Variants in RPS6KA1 observed in about 807,000 individuals in gnomAD.
RPS6KA1 encodes the protein ribosomal protein S6 kinase alpha-1.
RPS6KA1 carries 48 observed loss-of-function variants against 91.3 expected under a neutral mutation model. The observed-to-expected ratio is 0.53, with a 90% confidence interval of 0.42 to 0.67. The LOEUF is 0.67. RPS6KA1 is among the 30% of genes least tolerant of loss of function. The pLI, the probability that RPS6KA1 is intolerant of heterozygous loss-of-function variation, is 0.00. For synonymous variants in RPS6KA1, 359 were observed against 384.7 expected (o/e 0.93, Z 0.78); for missense variants, 719 against 960.5 (o/e 0.75, Z 3.32).
rs1418857502 is a variant in RPS6KA1 at position 26,574,211 on chromosome 1, G to T, written c.*10G>T. On this transcript the variant is annotated 3_prime_UTR_variant, in exon 22 of 22. Transcript: ENST00000374168. This position sits in a 1 kb window ranked among gnomAD's most constrained non-coding sequence, Gnocchi z 4.3. ...ATCCACCACCCTGTGAGGCACCAGG[G>T]CATTCGGGCCACAGGGCGGTGCTAG... 3.1e-6 allele frequency: 5 copies of T among 1,613,874 alleles called. No individual in the cohort carries two copies. Among genetic ancestry groups the T allele is most frequent in the Non-Finnish European group, 1.7e-6 (2 of 1,180,016 alleles).
rs2075941210 is a variant in RPS6KA1, at chr1:26,540,827, G to A, written c.108+3858G>A. Among the ~76,000 whole-genome samples the A allele has an allele frequency of 6.6e-6, 1 of 152,164 alleles. No homozygotes were observed. The highest frequency in any genetic ancestry group is 1.5e-5 in the Non-Finnish European group (1 of 68,024). ...TTTTTTGAGATGGAGTTTCACTTTT[G>A]TTGCCCAGGCTGGAGTGCAATGGCA... is the stretch of plus-strand genomic sequence containing the variant. On this transcript the variant is annotated intron_variant, in intron 2 of 21. Transcript: ENST00000374168. The surrounding 1 kb of genome is among the most constrained non-coding windows in gnomAD (Gnocchi z 4.2).
chr1:26,532,627 G>A (rs1253305953), intron 1 of RPS6KA1, among the ~76,000 whole-genome samples: 1 of 152,234 alleles, frequency 6.6e-6, no homozygotes, highest in African/African-American at 2.4e-5. Flanking sequence ...GCAGTGAGCA[G>A]GGCTGCCAAT....
Position 26,551,425 on chromosome 1 carries a change from G to A in RPS6KA1, c.336G>A (p.Glu112=), listed in dbSNP as rs779345236. Residue 112 remains glutamate, a synonymous_variant, in exon 5 of 22, where the codon GAG becomes GAA. Transcript: ENST00000374168. This position sits in a 1 kb window ranked among gnomAD's most constrained non-coding sequence, Gnocchi z 4.5. ...KVRDRVRTKM[E]RDILADVNHP... ...GTGACCGCGTCCGGACCAAGATGGA[G>A]AGAGACATCCTGGCTGATGTAAATC... 2 of 1,614,178 alleles carry A rather than the reference G, an allele frequency of 1.2e-6. No individual in the cohort carries two copies. Among genetic ancestry groups the A allele is most frequent in the South Asian group, 1.1e-5 (1 of 91,082 alleles).
chr1:26,554,272 C>T lies in RPS6KA1; in HGVS notation c.613+21C>T. The T allele has an allele frequency of 3.9e-6, 6 of 1,555,598 alleles. No homozygotes were observed. Among genetic ancestry groups the T allele is most frequent in the Middle Eastern group, 1.7e-4 (1 of 5,952 alleles). On this transcript the variant is annotated intron_variant, in intron 8 of 21. Transcript: ENST00000374168. The surrounding 1 kb of genome is among the most constrained non-coding windows in gnomAD (Gnocchi z 4.6). ...CACTGGTGAGTGGAGGGCGCCTGCC[C>T]CCTCGGGACCCAGGGGAGGACAGGA...
In RPS6KA1 at chr1:26,530,932, G is replaced by A. The variant is rs888535430; in HGVS notation, c.63+949G>A. The A allele has an allele frequency of 1.2e-5, 14 of 1,199,842 alleles. No homozygotes were observed. The African/African-American group carries it at 2.0e-4, about 17-fold the overall frequency. The allele number at this position is 1,199,842 out of a possible 1,614,324, so 74.3% of individuals were successfully genotyped here. ...TATTCTCCTTCCCAGGTGGTTGTTG[G>A]GGGTATGCAGGGAGGGAATGGAGAC... On this transcript the variant is annotated intron_variant, in intron 1 of 21. Coordinates refer to ENST00000374168, the MANE Select transcript of RPS6KA1 (RefSeq NM_002953.4).
intron 13 of RPS6KA1, among the ~76,000 whole-genome samples, chr1:26,557,851 T>C (rs1487801593): frequency 1.4e-5 from 2 of 138,962 alleles, no homozygotes; most frequent in Non-Finnish European, 3.1e-5. Flanking sequence ...CTTTTCAAGA[T>C]GGAGTCTCGC....
intron 17 of RPS6KA1, among the ~76,000 whole-genome samples, chr1:26,569,575 C>T (rs949314733): frequency 3.9e-5 from 6 of 152,328 alleles, no homozygotes; most frequent in South Asian, 2.1e-4. Flanking sequence ...ACCTACTCCA[C>T]GGGCTCCACG....
At chr1:26,573,445 G>A in intron 21 of RPS6KA1, 84 bp downstream of exon 21, 1 of 1,499,648 alleles carries the variant, frequency 6.7e-7, no homozygotes, top group Non-Finnish European at 9.2e-7. Context: ...GCCAGGCAAT[G>A]CCATGTCTGT....
At chr1:26,564,730 AAAG>A (rs1442349093) in intron 17 of RPS6KA1, among the ~76,000 whole-genome samples, 1 of 152,178 alleles carries the variant, frequency 6.6e-6, no homozygotes, top group Non-Finnish European at 1.5e-5. Context: ...ATTCTGTAAA[AAAG>A]AACTTTACCT....
At position 26,551,568 on chromosome 1, in the gene RPS6KA1, G is replaced by A. The variant is rs1408181108; in HGVS notation, c.389-76G>A. On this transcript the variant is annotated intron_variant, in intron 5 of 21. Coordinates refer to ENST00000374168, the MANE Select transcript of RPS6KA1 (RefSeq NM_002953.4). The surrounding 1 kb of genome is among the most constrained non-coding windows in gnomAD (Gnocchi z 4.5). ...CACTGTCCCACCGCCTGCCTGGCAGGCCAAGGGAGCCAGGGCCGGAGAAGC... is the reference window on the plus strand; with the variant it reads ...CACTGTCCCACCGCCTGCCTGGCAGACCAAGGGAGCCAGGGCCGGAGAAGC... 11 of 1,596,580 alleles carry A rather than the reference G, an allele frequency of 6.9e-6. No individual in the cohort carries two copies. The East Asian group carries it at 2.2e-4, about 32-fold the overall frequency.
intron 7 of RPS6KA1, 43 bp downstream of exon 7, chr1:26,553,540 G>A (rs1473545450): frequency 3.0e-6 from 4 of 1,345,706 alleles, no homozygotes; most frequent in Non-Finnish European, 4.2e-6. Flanking sequence ...CCCAGGGGAG[G>A]CCTCTTCTAG....
intron 17 of RPS6KA1, among the ~76,000 whole-genome samples, chr1:26,566,991 A>G (rs1368153803): frequency 1.3e-5 from 2 of 151,274 alleles, no homozygotes; most frequent in Non-Finnish European, 2.9e-5. Context: ...TCCACAGGCC[A>G]GGCGGGGTTC....
At position 26,539,107 on chromosome 1, in the gene RPS6KA1, G is replaced by T. The variant is rs116373734; in HGVS notation, c.108+2138G>T. ...TGATGGGGCAAGAGCACAGCTGTGG[G>T]CACATAGAACCTCTGCTCTGTGCTA... On this transcript the variant is annotated intron_variant, in intron 2 of 21. Transcript: ENST00000374168. Among the ~76,000 whole-genome samples, 1,180 of 152,284 alleles carry T rather than the reference G, an allele frequency of 7.7e-3. 14 individuals carry two copies. The highest frequency in any genetic ancestry group is 0.027 in the African/African-American group (1,103 of 41,546).
At chr1:26,556,878 G>C in intron 12 of RPS6KA1, 120 bp from the exon 13 acceptor site, 1 of 1,161,978 alleles carries the variant, frequency 8.6e-7, no homozygotes, top group African/African-American at 1.5e-5. Context: ...CTGAGGGCAA[G>C]CAATTCCGAG....
rs940014856 is a variant in RPS6KA1, at chr1:26,559,007, T to G, written c.1215+70T>G. On this transcript the variant is annotated intron_variant, in intron 14 of 21. Transcript: ENST00000374168. ...AATGGCTGAGTACACAGGCTCTGAG[T>G]TGGACAGAACCAGGTTCATACCCTC... The G allele has an allele frequency of 2.3e-5, 35 of 1,555,498 alleles. No individual in the cohort carries two copies. The African/African-American group carries it at 4.7e-4, about 21-fold the overall frequency.
chr1:26,539,789 G>T (rs982823040), intron 2 of RPS6KA1, among the ~76,000 whole-genome samples: 1 of 152,176 alleles, frequency 6.6e-6, no homozygotes, highest in African/African-American at 2.4e-5. Flanking sequence ...GGCACACCGG[G>T]GCTCCATTTG....
At chr1:26,535,503 G>A (rs1557488000) in intron 1 of RPS6KA1, among the ~76,000 whole-genome samples, 1 of 152,082 alleles carries the variant, frequency 6.6e-6, no homozygotes, top group Non-Finnish European at 1.5e-5. Flanking sequence ...GTTCTAGGAG[G>A]GGTGGGGCAA....
intron 2 of RPS6KA1, among the ~76,000 whole-genome samples, chr1:26,544,972 T>A (rs766724640): frequency 1.3e-5 from 2 of 152,164 alleles, no homozygotes; most frequent in Non-Finnish European, 2.9e-5. Flanking sequence ...ACATTGGGGA[T>A]GAGTCTCTGT....
chr1:26,560,628 C>T, intron 14 of RPS6KA1, 98 bp from the exon 15 acceptor site: 2 of 1,490,866 alleles, frequency 1.3e-6, no homozygotes, highest in Non-Finnish European at 9.2e-7. Flanking sequence ...CTGGCCCTTC[C>T]CTGGTGCTGT....
Sources: allele counts gnomAD v4.1 joint callset (sites outside exome capture counted in the v4.1 genomes callset), GRCh38; gene constraint gnomAD v4.1.1; non-coding constraint Gnocchi (gnomAD v3.1); transcripts MANE v1.5; gene names NCBI Gene and HGNC (gene_info 2026-07-23, HGNC 2026-07-21).